UTP20: variants seen among roughly 807,000 people sequenced by gnomAD.
The protein encoded by UTP20 is UTP20 small subunit processome component, also known as small subunit processome component 20 homolog.
A neutral mutation model predicts 329.5 loss-of-function variants in UTP20; 164 were observed. That is an observed-to-expected ratio of 0.50 (90% CI 0.44 to 0.57). The LOEUF (loss-of-function observed/expected upper bound fraction) is 0.57. UTP20 is among the 20% of genes least tolerant of loss of function. The pLI, the probability that UTP20 is intolerant of heterozygous loss-of-function variation, is 0.00. For missense variants in UTP20, 3,055 were observed against 3,284.2 expected (o/e 0.93, Z 1.71); for synonymous variants, 1,151 against 1,159.3 (o/e 0.99, Z 0.14).
intron 15 of UTP20, 24 bp downstream of exon 15, chr12:101,302,577 T>C (rs2137244624): frequency 6.9e-7 from 1 of 1,455,672 alleles, no homozygotes; most frequent in Non-Finnish European, 9.4e-7. Context: ...TTCCAGTTGG[T>C]TTAGTAATGA....
intron 2 of UTP20, among the ~76,000 whole-genome samples, chr12:101,282,319 A>G (rs567969025): frequency 1.3e-5 from 2 of 152,172 alleles, no homozygotes; most frequent in South Asian, 2.1e-4. Context: ...TTTTGTTTAT[A>G]TAGGTTTTAG....
intron 15 of UTP20, among the ~76,000 whole-genome samples, chr12:101,305,316 A>G (rs1872618909): frequency 1.3e-5 from 2 of 152,078 alleles, no homozygotes; most frequent in South Asian, 4.1e-4. Flanking sequence ...TACAGTATCT[A>G]GAAAAGTCAC....
Position 101,356,692 on chromosome 12 carries a change from A to G in UTP20, c.5533A>G (p.Ser1845Gly). 1 of 1,603,492 alleles carries G rather than the reference A, an allele frequency of 6.2e-7. No individual in the cohort carries two copies. Among genetic ancestry groups the G allele is most frequent in the Non-Finnish European group, 8.5e-7 (1 of 1,177,428 alleles). ...AGAAGTTATGGAAGCTAATCTGCCAAGGTATGTTTTTTAACAAATTAGAAG... is the reference window on the plus strand; with the variant it reads ...AGAAGTTATGGAAGCTAATCTGCCAGGGTATGTTTTTTAACAAATTAGAAG... Reference protein sequence around the residue: ...PQEVMEANLPSILLKVCALLK... With the variant: ...PQEVMEANLPGILLKVCALLK... Residue 1845 changes from serine to glycine, a missense_variant and splice_region_variant, in exon 42 of 62, where the codon AGT becomes GGT. By Grantham distance (56) the Ser-to-Gly change is moderately conservative (BLOSUM62 0). This residue lies in a region of UTP20 where 2,445 missense variants were observed against 2,575.5 expected (regional missense o/e 0.95). Transcript: ENST00000261637.
Position 101,290,246 on chromosome 12 carries a change from GA to G in UTP20, c.710del (p.Asn237IlefsTer11). On this transcript the variant is annotated frameshift_variant, in exon 7 of 62. Coordinates refer to ENST00000261637, the MANE Select transcript of UTP20 (RefSeq NM_014503.3). LOFTEE classifies it high-confidence loss of function. The part of the protein sequence containing the change: ...QLLFEMCKGV[R>X]NMFHSCTGQA... Reference sequence around the variant, plus strand: ...CTCTTTGAAATGTGCAAAGGAGTTAGAAATATGTTTCACTCCTGTACAGGCC... The same window carrying G: ...CTCTTTGAAATGTGCAAAGGAGTTAGAATATGTTTCACTCCTGTACAGGCC... 1.9e-6 allele frequency: 3 copies of G among 1,608,712 alleles called. No homozygotes were observed. Among genetic ancestry groups the G allele is most frequent in the Non-Finnish European group, 2.5e-6 (3 of 1,177,498 alleles).
chr12:101,371,219 T>G, intron 51 of UTP20, 51 bp downstream of exon 51: 2 of 1,339,688 alleles, frequency 1.5e-6, no homozygotes, highest in East Asian at 2.5e-5. Flanking sequence ...CTGCCGCATC[T>G]TTGTGGCAGA....
Position 101,385,567 on chromosome 12 carries a change from CTT to C in UTP20, c.8057-14_8057-13del. ...TTCCTACCTGTCTCTGATCATTACT[CTT>C]TGTGTGTGATTAGATCCTTTGCTGA... On this transcript the variant is annotated splice_polypyrimidine_tract_variant and intron_variant, in intron 60 of 61. Coordinates refer to ENST00000261637, the MANE Select transcript of UTP20 (RefSeq NM_014503.3). The C allele has an allele frequency of 6.2e-7, 1 of 1,605,024 alleles. No individual in the cohort carries two copies.
intron 18 of UTP20, among the ~76,000 whole-genome samples, chr12:101,308,957 T>C (rs926387454): frequency 3.3e-5 from 5 of 151,936 alleles, no homozygotes; most frequent in African/African-American, 1.2e-4. Flanking sequence ...ATGGTCTTGA[T>C]CTCCTGACCT....
chr12:101,293,656 CCCT>C (rs1464466584), intron 11 of UTP20, among the ~76,000 whole-genome samples: 1 of 152,074 alleles, frequency 6.6e-6, no homozygotes, highest in Admixed American at 6.5e-5. Flanking sequence ...AAACACTTGG[CCCT>C]CCTCCTAACT....
intron 11 of UTP20, among the ~76,000 whole-genome samples, chr12:101,295,195 G>A (rs1435434908): frequency 1.3e-5 from 2 of 152,088 alleles, no homozygotes; most frequent in African/African-American, 2.4e-5. Context: ...GGTAGGGAGG[G>A]TTCATGGAGA....
chr12:101,349,052 T>G (rs1467000570), intron 38 of UTP20, among the ~76,000 whole-genome samples: 1 of 152,120 alleles, frequency 6.6e-6, no homozygotes, highest in Non-Finnish European at 1.5e-5. Context: ...GTTTTTTCCT[T>G]CCAGTACTTT....
Position 101,306,743 on chromosome 12 carries a change from G to C in UTP20, c.1977G>C (p.Gln659His), listed in dbSNP as rs777552384. 3 of 1,604,990 alleles carry C rather than the reference G, an allele frequency of 1.9e-6. No individual in the cohort carries two copies. In the South Asian group the frequency reaches 3.4e-5, roughly 18 times the overall value. Residue 659 changes from glutamine to histidine, a missense_variant, in exon 17 of 62, where the codon CAG becomes CAC. Gln to His is a conservative substitution (Grantham distance 24, BLOSUM62 0). This residue lies in a region of UTP20 where 2,445 missense variants were observed against 2,575.5 expected (regional missense o/e 0.95). Transcript: ENST00000261637. ...TIRILNHFDV[Q>H]LPESMEDDGL... ...GGATCCTAAACCATTTTGATGTCCAGCTTCCAGAATCAATGGAGGTATTTT... is the reference window on the plus strand; with the variant it reads ...GGATCCTAAACCATTTTGATGTCCACCTTCCAGAATCAATGGAGGTATTTT...
intron 40 of UTP20, 43 bp from the exon 41 acceptor site, chr12:101,354,789 C>A: frequency 6.3e-7 from 1 of 1,578,884 alleles, no homozygotes. Flanking sequence ...TGTGTGGTTT[C>A]ATTATTTGCT....
chr12:101,362,058 G>A lies in UTP20; in HGVS notation c.5788G>A (p.Glu1930Lys). 6.2e-7 allele frequency: 1 copy of A among 1,610,930 alleles called. No homozygotes were observed. The highest frequency in any genetic ancestry group is 8.5e-7 in the Non-Finnish European group (1 of 1,178,116). The change falls in exon 44 of 62, where the codon GAG becomes AAG. Residue 1930 changes from glutamate to lysine, a missense_variant and splice_region_variant. This residue lies in a region of UTP20 where 2,445 missense variants were observed against 2,575.5 expected (regional missense o/e 0.95). Coordinates refer to ENST00000261637, the MANE Select transcript of UTP20 (RefSeq NM_014503.3). ...GGACTCTTGTTTAGATATAATGATT[G>A]AGGTAAGACTTACAGAAACGAATTC... ...DLDSCLDIMI[E>K]IFNHELFGAV...
intron 12 of UTP20, among the ~76,000 whole-genome samples, chr12:101,299,198 T>C (rs1446603864): frequency 1.3e-5 from 2 of 152,216 alleles, no homozygotes; most frequent in Non-Finnish European, 2.9e-5. Context: ...AAAAATGTCA[T>C]TGAGCAACTG....
intron 48 of UTP20, among the ~76,000 whole-genome samples, 184 bp downstream of exon 48, chr12:101,368,160 C>T (rs1279416920): frequency 2.7e-5 from 4 of 148,420 alleles, no homozygotes; most frequent in Admixed American, 2.0e-4. Flanking sequence ...CTCACTTTGT[C>T]ACCTAGGCTG....
intron 6 of UTP20, 78 bp from the exon 7 acceptor site, chr12:101,290,059 G>C: frequency 8.9e-7 from 1 of 1,128,030 alleles, no homozygotes; most frequent in Non-Finnish European, 1.2e-6. Flanking sequence ...ACAATATATA[G>C]AATAGCAAAT....
At position 101,353,091 on chromosome 12, in the gene UTP20, C is replaced by T. The variant is rs765993610; in HGVS notation, c.5069C>T (p.Thr1690Ile). 66 of 1,597,464 alleles carry T rather than the reference C, an allele frequency of 4.1e-5. No individual in the cohort carries two copies. In the Admixed American group the frequency reaches 1.1e-3, roughly 26 times the overall value. ...VLEAFHFDHK[T>I]LEEQMGKIEN... ...GAAGCATTCCACTTTGACCACAAAA[C>T]TCTTGAAGAACAAATGGGAAAAATT... The change falls in exon 40 of 62, where the codon ACT becomes ATT. Residue 1690 changes from threonine (T) to isoleucine (I), a missense_variant. Around this residue, in one of 3 missense-constraint regions of UTP20, gnomAD observed 2,445 missense variants for 2,575.5 expected, o/e 0.95. Transcript: ENST00000261637.
chr12:101,299,559 C>T, intron 12 of UTP20, 123 bp from the exon 13 acceptor site: 1 of 880,806 alleles, frequency 1.1e-6, no homozygotes, highest in Non-Finnish European at 1.6e-6. Context: ...TTAGCTCAAC[C>T]ACCACCACCA....
rs1870420650 is a variant in UTP20 at position 101,374,869 on chromosome 12, A to G, written c.7193A>G (p.Asp2398Gly). Residue 2398 changes from aspartate to glycine, a missense_variant, in exon 55 of 62, where the codon GAT (aspartate) becomes GGT (glycine). Asp to Gly is a moderately conservative substitution (Grantham distance 94). Coordinates refer to ENST00000261637, the MANE Select transcript of UTP20 (RefSeq NM_014503.3). Reference protein sequence around the residue: ...CGLFVESEGVDFEKRLGTVLP... With the variant: ...CGLFVESEGVGFEKRLGTVLP... ...TTGTTTGTGGAAAGTGAAGGAGTTG[A>G]TTTTGAGAAAAGACTTGGAACTGTC... The G allele has an allele frequency of 1.3e-6, 2 of 1,574,978 alleles. No individual in the cohort carries two copies. Among genetic ancestry groups the G allele is most frequent in the Admixed American group, 1.7e-5 (1 of 59,966 alleles).
Sources: allele counts gnomAD v4.1 joint callset (sites outside exome capture counted in the v4.1 genomes callset), GRCh38; gene constraint gnomAD v4.1.1; regional missense constraint gnomAD v4.1.1; transcripts MANE v1.5; gene names NCBI Gene and HGNC (gene_info 2026-07-23, HGNC 2026-07-21).